The following GPR160 variants were observed in gnomAD, a reference collection of about 807,000 sequenced individuals.
GPR160 encodes the protein probable G protein-coupled receptor 160.
Under a neutral mutation model 2.6 loss-of-function variants are expected in GPR160, and 2 were observed. The observed-to-expected ratio is 0.77, with a 90% CI of 0.32 to 2.44. The LOEUF is 2.44. GPR160 is among the 30% of genes most tolerant of loss of function. The pLI is 0.11. For missense variants in GPR160, 351 were observed against 383.6 expected (o/e 0.91, Z 0.71); for synonymous variants, 130 against 132.2 (o/e 0.98, Z 0.12).
chr3:170,040,972 A>AT (rs1716419006), intron 2 of GPR160, among the ~76,000 whole-genome samples: 1 of 152,208 alleles, frequency 6.6e-6, no homozygotes, highest in African/African-American at 2.4e-5. Flanking sequence ...TAATAGCTAT[A>AT]TCTTCATCAG....
chr3:170,039,828 T>G (rs1369851909), intron 2 of GPR160, among the ~76,000 whole-genome samples: 2 of 152,274 alleles, frequency 1.3e-5, no homozygotes, highest in Non-Finnish European at 2.9e-5. Flanking sequence ...GATTAAGGTT[T>G]TTAAAATCCC....
intron 2 of GPR160, among the ~76,000 whole-genome samples, chr3:170,063,569 A>C (rs1270596719): frequency 6.7e-6 from 1 of 149,942 alleles, no homozygotes; most frequent in Non-Finnish European, 1.5e-5. Flanking sequence ...AAAAAAAAAA[A>C]AAAAACCTCA....
intron 2 of GPR160, among the ~76,000 whole-genome samples, chr3:170,051,357 ATTAT>A (rs1176855220): frequency 6.6e-6 from 1 of 152,160 alleles, no homozygotes; most frequent in Non-Finnish European, 1.5e-5. Context: ...TTAAAACTGG[ATTAT>A]TTCTCACCAT....
intron 2 of GPR160, among the ~76,000 whole-genome samples, chr3:170,044,966 T>G (rs2108309152): frequency 6.6e-6 from 1 of 152,240 alleles, no homozygotes; most frequent in African/African-American, 2.4e-5. Flanking sequence ...CCTTGAAACT[T>G]TCGGTTAAGG....
At chr3:170,057,692 C>G (rs1434720294) in intron 2 of GPR160, 1 of 152,236 alleles carries the variant, frequency 6.6e-6, no homozygotes, top group Non-Finnish European at 1.5e-5. Context: ...GAGACAAAGA[C>G]ACAGCTTCAG....
chr3:170,066,130 C>CTTTTTCT (rs1712317079), intron 2 of GPR160, among the ~76,000 whole-genome samples: 1 of 85,212 alleles, frequency 1.2e-5, no homozygotes, highest in Admixed American at 1.5e-4. Context: ...TTTTCTTTTT[C>CTTTTTCT]TTTTTTTTTT....
At chr3:170,056,674 G>C (rs1711659041) in intron 2 of GPR160, among the ~76,000 whole-genome samples, 1 of 152,172 alleles carries the variant, frequency 6.6e-6, no homozygotes, top group Non-Finnish European at 1.5e-5. Flanking sequence ...AGAAATACTA[G>C]AAACAGAAGT....
intron 2 of GPR160, among the ~76,000 whole-genome samples, chr3:170,058,759 C>T (rs1026685285): frequency 1.3e-5 from 2 of 152,122 alleles, no homozygotes; most frequent in African/African-American, 2.4e-5. Context: ...GGTTGTTCAT[C>T]GCTACATTAT....
At chr3:170,054,902 T>C (rs994636915) in intron 2 of GPR160, among the ~76,000 whole-genome samples, 2 of 152,028 alleles carry the variant, frequency 1.3e-5, no homozygotes, top group Admixed American at 1.3e-4. Context: ...CAAGTGATTC[T>C]CCTGCCTCAG....
At chr3:170,062,836 G>A (rs1712039433) in intron 2 of GPR160, 1 of 542,858 alleles carries the variant, frequency 1.8e-6, no homozygotes, top group Admixed American at 2.8e-5. Context: ...GGAAAGGAAA[G>A]AAGGAGTGAA....
intron 2 of GPR160, among the ~76,000 whole-genome samples, chr3:170,058,435 C>T (rs982520943): frequency 5.9e-5 from 9 of 152,148 alleles, no homozygotes; most frequent in African/African-American, 1.7e-4. Flanking sequence ...AGGTCAGCCA[C>T]GTGCCTGGGA....
intron 2 of GPR160, among the ~76,000 whole-genome samples, chr3:170,048,753 C>G (rs530852005): frequency 2.0e-4 from 30 of 152,336 alleles, no homozygotes; most frequent in Non-Finnish European, 3.2e-4. Flanking sequence ...TTCTCACCAA[C>G]CAGTTGCTGT....
Position 170,083,931 on chromosome 3 carries a change from CAT to C in GPR160, c.-41_-40del, listed in dbSNP as rs768933937. 2 of 1,118,400 alleles carry C rather than the reference CAT, an allele frequency of 1.8e-6. No homozygotes were observed. Among genetic ancestry groups the C allele is most frequent in the Admixed American group, 2.8e-5 (1 of 35,486 alleles). 69.3% of individuals were successfully genotyped at this position (1,118,400 alleles called of 1,614,324 possible). On this transcript the variant is annotated 5_prime_UTR_variant, in exon 4 of 4. An upstream start codon of the reference 5' UTR is lost. Coordinates refer to ENST00000355897, the MANE Select transcript of GPR160 (RefSeq NM_014373.3). ...GACAGAAAATGAAGCAGTGTTTTAT[CAT>C]GTGTATTTCAGCAGGTCTTCTTGAA...
At chr3:170,050,827 T>C (rs998731762) in intron 2 of GPR160, among the ~76,000 whole-genome samples, 1 of 152,240 alleles carries the variant, frequency 6.6e-6, no homozygotes, top group African/African-American at 2.4e-5. Flanking sequence ...TTTATAAATG[T>C]ACTGCATTTT....
intron 2 of GPR160, among the ~76,000 whole-genome samples, chr3:170,063,749 C>A (rs529017316): frequency 6.6e-6 from 1 of 152,102 alleles, no homozygotes; most frequent in Non-Finnish European, 1.5e-5. Flanking sequence ...TCTGGACAGG[C>A]GCTCTTTGAA....
Position 170,079,757 on chromosome 3 carries a change from TTCTA to T in GPR160, c.-192-13_-192-10del, listed in dbSNP as rs1013413327. On this transcript the variant is annotated splice_polypyrimidine_tract_variant and intron_variant, in intron 2 of 3. Coordinates refer to ENST00000355897, the MANE Select transcript of GPR160 (RefSeq NM_014373.3). Reference sequence around the variant, plus strand: ...GCTCTTAATGATGTTTCATTTTGTTTTCTATCTTTCACACAGAGCTTACTCACAT... The same window carrying T: ...GCTCTTAATGATGTTTCATTTTGTTTTCTTTCACACAGAGCTTACTCACAT... The T allele has an allele frequency of 2.0e-4, 30 of 152,368 alleles. No homozygotes were observed. Among genetic ancestry groups the T allele is most frequent in the African/African-American group, 7.2e-4 (30 of 41,582 alleles). 9.4% of individuals were successfully genotyped at this position (152,368 alleles called of 1,614,324 possible). A position where few individuals can be genotyped will look rare whatever the true frequency, so the allele number is the denominator to read the frequency against.
At chr3:170,080,754 T>G (rs1409374084) in intron 3 of GPR160, among the ~76,000 whole-genome samples, 1 of 152,206 alleles carries the variant, frequency 6.6e-6, no homozygotes, top group Non-Finnish European at 1.5e-5. Flanking sequence ...CAGGCTGGAA[T>G]GCAGTGGCAT....
rs1190403952 is a variant in GPR160 at position 170,038,807 on chromosome 3, C to T, written c.-321-108C>T. ...ATTTGTTTTCCGAGGCCGTTGCGTCCGGGTAGGTTCCTGGATGACCATCCT... is the reference window on the plus strand; with the variant it reads ...ATTTGTTTTCCGAGGCCGTTGCGTCTGGGTAGGTTCCTGGATGACCATCCT... On this transcript the variant is annotated intron_variant, in intron 1 of 3. Transcript: ENST00000355897. This position sits in a 1 kb window ranked among gnomAD's most constrained non-coding sequence, Gnocchi z 5.3. 6.6e-6 allele frequency: 1 copy of T among 152,128 alleles called. No individual in the cohort carries two copies. The highest frequency in any genetic ancestry group is 2.4e-5 in the African/African-American group (1 of 41,436). 9.4% of individuals were successfully genotyped at this position (152,128 alleles called of 1,614,324 possible).
chr3:170,066,298 G>A (rs113983643), intron 2 of GPR160, among the ~76,000 whole-genome samples: 4,135 of 151,362 alleles, frequency 0.027, 178 homozygotes, highest in African/African-American at 0.095. Context: ...CCATCACCAC[G>A]CCCGGCTAAT....
Sources: gnomAD v4.1 joint callset for allele counts (sites outside exome capture counted in the v4.1 genomes callset) on GRCh38, gnomAD v4.1.1 for gene constraint, Gnocchi (gnomAD v3.1) non-coding constraint, MANE v1.5 for transcripts, NCBI Gene and HGNC (gene_info 2026-07-23, HGNC 2026-07-21) for gene names.